The following NLGN1 variants were observed in gnomAD, a reference collection of about 807,000 sequenced individuals.
NLGN1 encodes the protein neuroligin 1.
In NLGN1, 12 loss-of-function variants were observed where a neutral mutation model predicts 65.5. That is an observed-to-expected ratio of 0.18 (90% CI 0.12 to 0.30). The LOEUF (loss-of-function observed/expected upper bound fraction) is 0.30. NLGN1 is among the 10% of genes least tolerant of loss of function. The pLI, the probability that NLGN1 is intolerant of heterozygous loss-of-function variation, is 1.00. For synonymous variants in NLGN1, 350 were observed against 359.5 expected (o/e 0.97, Z 0.30); for missense variants, 750 against 1,007.1 (o/e 0.74, Z 3.46).
chr3:174,062,969 T>C (rs1737734419), intron 4 of NLGN1, among the ~76,000 whole-genome samples: 2 of 152,100 alleles, frequency 1.3e-5, no homozygotes, highest in African/African-American at 4.8e-5. Flanking sequence ...ATTCATTCAT[T>C]TACTCATCCA....
At chr3:173,628,718 G>A (rs983385076) in intron 3 of NLGN1, among the ~76,000 whole-genome samples, 8 of 151,874 alleles carry the variant, frequency 5.3e-5, no homozygotes, top group African/African-American at 1.4e-4. Context: ...ATTTGAAATA[G>A]AGTCTTGCTT....
intron 3 of NLGN1, among the ~76,000 whole-genome samples, chr3:173,784,558 G>GAGACAGAGAC (rs1337826436): frequency 6.6e-6 from 1 of 152,114 alleles, no homozygotes; most frequent in Non-Finnish European, 1.5e-5. Flanking sequence ...GCGAGAGGCA[G>GAGACAGAGAC]AGACAGAGAC....
At chr3:173,581,615 A>G (rs1746409648) in intron 2 of NLGN1, among the ~76,000 whole-genome samples, 1 of 151,980 alleles carries the variant, frequency 6.6e-6, no homozygotes. Context: ...CCTAGCTAGA[A>G]TTTCTAATAT....
chr3:174,173,082 G>A (rs968987492), intron 4 of NLGN1, among the ~76,000 whole-genome samples: 6 of 151,736 alleles, frequency 4.0e-5, no homozygotes. Context: ...TAGATATTGT[G>A]TATGGTATTT....
At chr3:174,217,527 G>A (rs1737840705) in intron 4 of NLGN1, among the ~76,000 whole-genome samples, 1 of 151,962 alleles carries the variant, frequency 6.6e-6, no homozygotes, top group Non-Finnish European at 1.5e-5. Context: ...CTGACTTATT[G>A]TATCCTCACA....
At chr3:174,086,072 G>C (rs1743171533) in intron 4 of NLGN1, among the ~76,000 whole-genome samples, 1 of 151,652 alleles carries the variant, frequency 6.6e-6, no homozygotes, top group Non-Finnish European at 1.5e-5. Flanking sequence ...ACGTATATAT[G>C]AAAGTTATTC....
intron 4 of NLGN1, among the ~76,000 whole-genome samples, chr3:173,825,353 C>A (rs1483138464): frequency 2.1e-5 from 3 of 144,762 alleles, no homozygotes; most frequent in Non-Finnish European, 4.6e-5. Context: ...ATTGGAAATA[C>A]CTTTTTGCAT....
At chr3:173,868,012 C>G (rs1028547787) in intron 4 of NLGN1, among the ~76,000 whole-genome samples, 33 of 152,256 alleles carry the variant, frequency 2.2e-4, no homozygotes, top group African/African-American at 7.7e-4. Context: ...GAAAATAGCC[C>G]AGATCCTCTA....
intron 4 of NLGN1, among the ~76,000 whole-genome samples, chr3:174,094,334 T>C (rs1305303146): frequency 6.6e-6 from 1 of 152,206 alleles, no homozygotes; most frequent in Non-Finnish European, 1.5e-5. Flanking sequence ...CTCATTATCT[T>C]ATATAGAGAC....
intron 4 of NLGN1, among the ~76,000 whole-genome samples, chr3:174,166,326 T>A (rs1303019612): frequency 6.6e-6 from 1 of 152,084 alleles, no homozygotes; most frequent in Admixed American, 6.6e-5. Flanking sequence ...GAGATAGGCG[T>A]TTAGCACTAT....
At chr3:174,170,546 A>G (rs1728326936) in intron 4 of NLGN1, among the ~76,000 whole-genome samples, 1 of 152,194 alleles carries the variant, frequency 6.6e-6, no homozygotes, top group Non-Finnish European at 1.5e-5. Context: ...TAATGAAAGA[A>G]AAGATATGGT....
intron 4 of NLGN1, among the ~76,000 whole-genome samples, chr3:173,977,447 T>A (rs531344273): frequency 1.1e-3 from 168 of 152,104 alleles, no homozygotes; most frequent in African/African-American, 3.9e-3. Context: ...TTTATCTGAG[T>A]TGACAAGGCG....
chr3:174,280,951 A>C lies in NLGN1; in HGVS notation c.2120A>C (p.Asp707Ala). ...TACAAAAAGGATAAGAGGAGACATG[A>C]TGTTCACAGGAGATGCAGCCCTCAG... Residue 707 changes from aspartate to alanine, a missense_variant, in exon 7 of 7, where the codon GAT (aspartate) becomes GCT (alanine). Asp to Ala is a moderately radical substitution (Grantham distance 126). Transcript: ENST00000457714. The surrounding 1 kb of genome is among the most constrained non-coding windows in gnomAD (Gnocchi z 4.9). The C allele has an allele frequency of 6.2e-7, 1 of 1,613,348 alleles. No homozygotes were observed. The highest frequency in any genetic ancestry group is 8.5e-7 in the Non-Finnish European group (1 of 1,179,606).
intron 4 of NLGN1, chr3:173,910,386 C>T (rs1364477268): frequency 6.6e-6 from 1 of 152,132 alleles, no homozygotes; most frequent in Non-Finnish European, 1.5e-5. Flanking sequence ...ACTTTTCCTA[C>T]AACAGACTGG....
At chr3:173,673,633 GA>G (rs1469343886) in intron 3 of NLGN1, among the ~76,000 whole-genome samples, 1 of 152,114 alleles carries the variant, frequency 6.6e-6, no homozygotes, top group Non-Finnish European at 1.5e-5. Flanking sequence ...TGTGCATGAG[GA>G]AACTGGGGCA....
intron 3 of NLGN1, among the ~76,000 whole-genome samples, chr3:173,651,998 T>C (rs1759262705): frequency 6.6e-6 from 1 of 152,182 alleles, no homozygotes; most frequent in Admixed American, 6.5e-5. Flanking sequence ...TTCACCATGT[T>C]GGCCAGGCCG....
intron 1 of NLGN1, among the ~76,000 whole-genome samples, chr3:173,416,240 CT>C (rs1713768452): frequency 6.6e-6 from 1 of 152,176 alleles, no homozygotes; most frequent in African/African-American, 2.4e-5. Context: ...GACTTCTAAA[CT>C]GAATAACCTC....
intron 4 of NLGN1, among the ~76,000 whole-genome samples, chr3:174,156,436 G>A (rs568375325): frequency 1.3e-4 from 20 of 151,696 alleles, no homozygotes; most frequent in Admixed American, 8.6e-4. Context: ...GCCCATTCTC[G>A]AAATGAAAGT....
At chr3:173,962,224 G>A (rs1713757552) in intron 4 of NLGN1, among the ~76,000 whole-genome samples, 1 of 152,094 alleles carries the variant, frequency 6.6e-6, no homozygotes, top group Admixed American at 6.5e-5. Flanking sequence ...CAATTTGTGA[G>A]TTAAGCTTAG....
Sources: gnomAD v4.1 joint callset for allele counts (sites outside exome capture counted in the v4.1 genomes callset) on GRCh38, gnomAD v4.1.1 for gene constraint, Gnocchi (gnomAD v3.1) non-coding constraint, MANE v1.5 for transcripts, NCBI Gene and HGNC (gene_info 2026-07-23, HGNC 2026-07-21) for gene names.